Variants in NAV3 observed in about 807,000 individuals in gnomAD.
NAV3 encodes the protein neuron navigator 3.
NAV3 carries 87 observed loss-of-function variants against 244.7 expected under a neutral mutation model. The ratio of observed to expected loss-of-function variants is 0.36; its 90% confidence interval spans 0.30 to 0.42. The LOEUF (loss-of-function observed/expected upper bound fraction) is 0.42. NAV3 is among the 20% of genes least tolerant of loss of function. NAV3 has a pLI of 1.00. For missense variants in NAV3, 2,663 were observed against 2,893.3 expected (o/e 0.92, Z 1.83); for synonymous variants, 1,126 against 1,042.2 (o/e 1.08, Z -1.55).
intron 2 of NAV3, among the ~76,000 whole-genome samples, chr12:77,679,015 A>C (rs1874330780): frequency 6.6e-6 from 1 of 152,178 alleles, no homozygotes; most frequent in South Asian, 2.1e-4. Context: ...TGTAGTTTGA[A>C]TTTGTGTTAT....
At chr12:77,721,158 T>G (rs1304187870) in intron 2 of NAV3, among the ~76,000 whole-genome samples, 1 of 152,180 alleles carries the variant, frequency 6.6e-6, no homozygotes, top group East Asian at 1.9e-4. Flanking sequence ...GCTCCGAAAC[T>G]CTATTCTTTC....
At chr12:77,932,567 G>A (rs1453797775) in intron 1 of NAV3, among the ~76,000 whole-genome samples, 1 of 152,120 alleles carries the variant, frequency 6.6e-6, no homozygotes, top group East Asian at 1.9e-4. Flanking sequence ...CAATTTCTTA[G>A]TAAATACAGG....
At chr12:77,678,159 C>T (rs758321411) in intron 2 of NAV3, among the ~76,000 whole-genome samples, 7 of 151,818 alleles carry the variant, frequency 4.6e-5, no homozygotes, top group Admixed American at 6.6e-5. Flanking sequence ...TAAGTAAAAC[C>T]AGATGAAGCA....
intron 1 of NAV3, among the ~76,000 whole-genome samples, chr12:77,919,800 A>G (rs1175532138): frequency 6.6e-6 from 1 of 151,990 alleles, no homozygotes; most frequent in African/African-American, 2.4e-5. Flanking sequence ...TGATCAGATT[A>G]ACAGAATTCT....
intron 8 of NAV3, among the ~76,000 whole-genome samples, chr12:78,009,255 C>T (rs960380774): frequency 4.0e-5 from 6 of 151,868 alleles, no homozygotes; most frequent in Non-Finnish European, 8.8e-5. Context: ...TTGAGAAACT[C>T]TTTGAGTTTC....
At chr12:77,631,051 G>C (rs182817559) in intron 2 of NAV3, among the ~76,000 whole-genome samples, 45 of 152,282 alleles carry the variant, frequency 3.0e-4, no homozygotes, top group African/African-American at 1.0e-3. Context: ...TGTTTAAGGA[G>C]AAACCCCCAA....
intron 7 of NAV3, among the ~76,000 whole-genome samples, chr12:78,004,131 C>T (rs926270076): frequency 6.6e-6 from 1 of 152,082 alleles, no homozygotes; most frequent in Non-Finnish European, 1.5e-5. Context: ...CTAAGTTTTG[C>T]CATATGTATG....
At chr12:77,970,962 A>T (rs1422608646) in intron 5 of NAV3, among the ~76,000 whole-genome samples, 1 of 152,120 alleles carries the variant, frequency 6.6e-6, no homozygotes, top group African/African-American at 2.4e-5. Context: ...ATATCATTTG[A>T]CATTGCTTTA....
chr12:77,646,540 G>A (rs1232015070), intron 2 of NAV3, among the ~76,000 whole-genome samples: 1 of 152,094 alleles, frequency 6.6e-6, no homozygotes, highest in African/African-American at 2.4e-5. Context: ...TATAAAGGGA[G>A]GATTGGAAAG....
chr12:77,855,267 A>T (rs1343327864), intron 1 of NAV3, among the ~76,000 whole-genome samples: 1 of 152,216 alleles, frequency 6.6e-6, no homozygotes, highest in South Asian at 2.1e-4. Flanking sequence ...ACTGTTCGGT[A>T]TAGCCTAAAT....
At chr12:78,125,739 A>T (rs983333013) in intron 16 of NAV3, among the ~76,000 whole-genome samples, 15 of 152,212 alleles carry the variant, frequency 9.9e-5, no homozygotes, top group Non-Finnish European at 1.8e-4. Flanking sequence ...TATGTTAGAA[A>T]ATCATTAATA....
chr12:77,653,516 T>G (rs1474455304), intron 2 of NAV3, among the ~76,000 whole-genome samples: 3 of 152,226 alleles, frequency 2.0e-5, no homozygotes, highest in South Asian at 2.1e-4. Flanking sequence ...AAAATCAAAT[T>G]TAAATTAACT....
intron 1 of NAV3, among the ~76,000 whole-genome samples, chr12:77,833,716 A>G (rs966372694): frequency 4.6e-5 from 7 of 152,176 alleles, no homozygotes; most frequent in African/African-American, 1.2e-4. Flanking sequence ...TTCCGGAAAA[A>G]TCGAGTCACA....
intron 5 of NAV3, among the ~76,000 whole-genome samples, chr12:77,984,186 A>C (rs1870061168): frequency 6.6e-6 from 1 of 152,174 alleles, no homozygotes; most frequent in African/African-American, 2.4e-5. Flanking sequence ...ATATCCATAA[A>C]ATTTTGAAGG....
chr12:78,009,155 G>A (rs1470738671), intron 8 of NAV3, among the ~76,000 whole-genome samples: 1 of 152,112 alleles, frequency 6.6e-6, no homozygotes, highest in East Asian at 1.9e-4. Flanking sequence ...ATTTGAAAAT[G>A]TAACTTTTAA....
intron 2 of NAV3, among the ~76,000 whole-genome samples, chr12:77,664,124 A>T (rs1203413756): frequency 7.2e-5 from 11 of 152,238 alleles, no homozygotes; most frequent in Non-Finnish European, 4.4e-5. Flanking sequence ...TTATGAAATT[A>T]TTCAGGTTTT....
intron 2 of NAV3, among the ~76,000 whole-genome samples, chr12:77,812,892 T>A (rs1309721614): frequency 6.6e-6 from 1 of 152,126 alleles, no homozygotes; most frequent in Non-Finnish European, 1.5e-5. Flanking sequence ...AGTGGCATGA[T>A]CTTGGCTCAC....
chr12:77,657,256 A>G (rs1873161199), intron 2 of NAV3, among the ~76,000 whole-genome samples: 1 of 152,230 alleles, frequency 6.6e-6, no homozygotes, highest in Non-Finnish European at 1.5e-5. Flanking sequence ...TAGACGCAAT[A>G]AAAAATGCTA....
chr12:77,870,811 G>A (rs1418971541), intron 1 of NAV3, among the ~76,000 whole-genome samples: 1 of 152,206 alleles, frequency 6.6e-6, no homozygotes, highest in Admixed American at 6.5e-5. Context: ...GAAAAGCACA[G>A]GTTATTTGCA....
Sources: gnomAD v4.1 joint callset for allele counts (sites outside exome capture counted in the v4.1 genomes callset) on GRCh38, gnomAD v4.1.1 for gene constraint, MANE v1.5 for transcripts, NCBI Gene and HGNC (gene_info 2026-07-23, HGNC 2026-07-21) for gene names.